The following SLC9A2 variants were observed in gnomAD, a reference collection of about 807,000 sequenced individuals.
The protein encoded by SLC9A2 is sodium/hydrogen exchanger 2.
Under a neutral mutation model 71.7 loss-of-function variants are expected in SLC9A2, and 42 were observed. The ratio of observed to expected loss-of-function variants is 0.59; its 90% CI spans 0.46 to 0.76. The LOEUF (loss-of-function observed/expected upper bound fraction) is 0.76. SLC9A2 is among the 30% of genes least tolerant of loss of function. The pLI is 0.00. For synonymous variants in SLC9A2, 396 were observed against 392.5 expected, an observed-to-expected ratio of 1.01 and a Z score of -0.10; for missense variants, 829 against 1,017.4, an observed-to-expected ratio of 0.81 and a Z score of 2.52.
chr2:102,665,547 C>A (rs989376580), intron 3 of SLC9A2, among the ~76,000 whole-genome samples, 197 bp downstream of exon 3: 1 of 151,814 alleles, frequency 6.6e-6, no homozygotes, highest in Non-Finnish European at 1.5e-5. Context: ...GGCCGAGACG[C>A]GTGGATCACA....
chr2:102,633,499 G>A (rs1032914511), intron 1 of SLC9A2, among the ~76,000 whole-genome samples: 1 of 152,244 alleles, frequency 6.6e-6, no homozygotes, highest in Non-Finnish European at 1.5e-5. Context: ...GTAAAATCAC[G>A]CAATAATAAT....
At position 102,657,676 on chromosome 2, in the gene SLC9A2, T is replaced by G. The variant is rs1215625619; in HGVS notation, c.402T>G (p.Pro134=). Residue 134 remains proline (P), a synonymous_variant, in exon 2 of 12, where the codon CCT becomes CCG. Coordinates refer to ENST00000233969, the MANE Select transcript of SLC9A2 (RefSeq NM_003048.6). The part of the protein sequence containing the change: ...IIFGVDEKSP[P]AMKTDVFFLY... ...TTGGTGTTGATGAGAAGTCTCCCCCTGCAATGAAGACTGATGTATTTTTCT... is the reference window on the plus strand; with the variant it reads ...TTGGTGTTGATGAGAAGTCTCCCCCGGCAATGAAGACTGATGTATTTTTCT... 6.2e-7 allele frequency: 1 copy of G among 1,613,748 alleles called. No homozygotes were observed. Among genetic ancestry groups the G allele is most frequent in the Admixed American group, 1.7e-5 (1 of 60,004 alleles).
intron 1 of SLC9A2, among the ~76,000 whole-genome samples, chr2:102,649,692 A>T (rs564998061): frequency 6.6e-6 from 1 of 152,346 alleles, no homozygotes; most frequent in East Asian, 1.9e-4. Context: ...AAAAGAAGAC[A>T]TTTATGTGGC....
chr2:102,683,455 T>A lies in SLC9A2; in HGVS notation c.1199T>A (p.Phe400Tyr), dbSNP rs1293858545. 6.2e-7 allele frequency: 1 copy of A among 1,614,200 alleles called. No homozygotes were observed. Among genetic ancestry groups the A allele is most frequent in the Admixed American group, 1.7e-5 (1 of 60,030 alleles). The change falls in exon 4 of 12, where the codon TTC (phenylalanine) becomes TAC (tyrosine). Residue 400 changes from phenylalanine (F) to tyrosine (Y), a missense_variant. By Grantham distance (22) the Phe-to-Tyr change is conservative (BLOSUM62 3). This residue lies in a region of SLC9A2 where 500 missense variants were observed against 726.3 expected (regional missense o/e 0.69). Coordinates refer to ENST00000233969, the MANE Select transcript of SLC9A2 (RefSeq NM_003048.6). Reference sequence around the variant, plus strand: ...GCCTTCGTCTGCTTCACCCTGGCCTTCTGCCTCATGTGGCGAGCCCTGGGT... The same window carrying A: ...GCCTTCGTCTGCTTCACCCTGGCCTACTGCCTCATGTGGCGAGCCCTGGGT... ...NWAFVCFTLA[F>Y]CLMWRALGVF...
rs192470991 is a variant in SLC9A2 at position 102,685,284 on chromosome 2, G to A, written c.1425+948G>A. 2.4e-3 allele frequency among the ~76,000 whole-genome samples: 360 copies of A among 152,342 alleles called. 2 individuals are homozygous for A. The highest frequency in any genetic ancestry group is 0.022 in the Admixed American group (331 of 15,304). On this transcript the variant is annotated intron_variant, in intron 5 of 11. Coordinates refer to ENST00000233969, the MANE Select transcript of SLC9A2 (RefSeq NM_003048.6). Reference sequence around the variant, plus strand: ...AGTGGCACAGAGTGTGGTGTGGAGTGTAGGAGAATGAGGCGAAGCAGGGTC... The same window carrying A: ...AGTGGCACAGAGTGTGGTGTGGAGTATAGGAGAATGAGGCGAAGCAGGGTC...
intron 3 of SLC9A2, among the ~76,000 whole-genome samples, chr2:102,682,611 G>T (rs1677475012): frequency 6.6e-6 from 1 of 152,156 alleles, no homozygotes; most frequent in African/African-American, 2.4e-5. Flanking sequence ...GAGTTTCTTT[G>T]CTTTAGGAAT....
chr2:102,707,392 A>G (rs1678002555), intron 11 of SLC9A2, among the ~76,000 whole-genome samples: 1 of 151,272 alleles, frequency 6.6e-6, no homozygotes, highest in African/African-American at 2.4e-5. Context: ...GGTGAGAATA[A>G]TAGGGGGAAG....
chr2:102,702,878 C>G (rs558449477), intron 9 of SLC9A2, among the ~76,000 whole-genome samples: 5 of 152,334 alleles, frequency 3.3e-5, no homozygotes, highest in Admixed American at 2.6e-4. Context: ...CTCTTCTGAG[C>G]CACTTCTTTC....
At position 102,708,231 on chromosome 2, in the gene SLC9A2, T is replaced by A. The variant is rs1470355764; in HGVS notation, c.2181T>A (p.Tyr727Ter). Residue 727 changes from tyrosine to a stop codon, truncating the protein, a stop_gained, in exon 12 of 12, where the codon TAT (tyrosine) becomes TAA (stop). Transcript: ENST00000233969. LOFTEE classifies it low-confidence loss of function (END_TRUNC). ...TCTCCAAGAAATCCCCCCAGTCCTA[T>A]AAAATGGAATGGAAGAATGAGGTAG... ...EQFSKKSPQS[Y>*]KMEWKNEVDV... 2 of 1,613,958 alleles carry A rather than the reference T, an allele frequency of 1.2e-6. No homozygotes were observed. The highest frequency in any genetic ancestry group is 1.7e-6 in the Non-Finnish European group (2 of 1,179,994).
intron 3 of SLC9A2, among the ~76,000 whole-genome samples, chr2:102,679,699 TTTC>T (rs1677414312): frequency 6.6e-6 from 1 of 152,206 alleles, no homozygotes; most frequent in Non-Finnish European, 1.5e-5. Flanking sequence ...ATTTTAATTG[TTTC>T]TAAATAGAAA....
At position 102,683,332 on chromosome 2, in the gene SLC9A2, T is replaced by C. The variant is rs763991851; in HGVS notation, c.1076T>C (p.Ile359Thr). ...ENVSQKSYTT[I>T]KYFMKMLSSV... Reference sequence around the variant, plus strand: ...GTATCTCAGAAATCCTACACGACCATCAAGTACTTCATGAAGATGCTGAGC... The same window carrying C: ...GTATCTCAGAAATCCTACACGACCACCAAGTACTTCATGAAGATGCTGAGC... The change falls in exon 4 of 12, where the codon ATC becomes ACC. Residue 359 changes from isoleucine (I) to threonine (T), a missense_variant. Coordinates refer to ENST00000233969, the MANE Select transcript of SLC9A2 (RefSeq NM_003048.6). 6.2e-7 allele frequency: 1 copy of C among 1,614,080 alleles called. No individual in the cohort carries two copies. Among genetic ancestry groups the C allele is most frequent in the Non-Finnish European group, 8.5e-7 (1 of 1,179,922 alleles).
At chr2:102,678,519 G>T (rs773535679) in intron 3 of SLC9A2, among the ~76,000 whole-genome samples, 3 of 152,098 alleles carry the variant, frequency 2.0e-5, no homozygotes, top group Non-Finnish European at 4.4e-5. Flanking sequence ...TTATTATTTT[G>T]TTGGGGACAA....
intron 1 of SLC9A2, among the ~76,000 whole-genome samples, chr2:102,624,636 A>G (rs1449549022): frequency 2.0e-5 from 3 of 152,128 alleles, no homozygotes; most frequent in African/African-American, 7.2e-5. Flanking sequence ...ATACCTTCCC[A>G]TATCTTGAGG....
At chr2:102,663,704 T>A (rs1440324618) in intron 2 of SLC9A2, among the ~76,000 whole-genome samples, 1 of 152,228 alleles carries the variant, frequency 6.6e-6, no homozygotes, top group Non-Finnish European at 1.5e-5. Flanking sequence ...AATGAGGGTG[T>A]AGCACAGCCT....
intron 1 of SLC9A2, among the ~76,000 whole-genome samples, chr2:102,622,409 C>A (rs1475754927): frequency 6.6e-5 from 10 of 152,216 alleles, no homozygotes; most frequent in African/African-American, 2.4e-4. Flanking sequence ...GTTGCCATTT[C>A]TATTCCAACT....
chr2:102,695,698 T>A (rs986528357), intron 7 of SLC9A2, among the ~76,000 whole-genome samples: 1 of 148,276 alleles, frequency 6.7e-6, no homozygotes, highest in African/African-American at 2.5e-5. Flanking sequence ...GGTGGGAGAC[T>A]TTGTCAAATG....
intron 5 of SLC9A2, among the ~76,000 whole-genome samples, chr2:102,692,136 T>C (rs1246049110): frequency 2.0e-5 from 3 of 152,248 alleles, no homozygotes; most frequent in Non-Finnish European, 4.4e-5. Flanking sequence ...TTACAGAACA[T>C]GTGTTGATTG....
At chr2:102,646,943 C>T (rs1676736702) in intron 1 of SLC9A2, among the ~76,000 whole-genome samples, 1 of 152,118 alleles carries the variant, frequency 6.6e-6, no homozygotes, top group Non-Finnish European at 1.5e-5. Flanking sequence ...AGGACTTGAA[C>T]TCAGCTCTGG....
intron 1 of SLC9A2, among the ~76,000 whole-genome samples, chr2:102,630,009 G>T (rs1351756617): frequency 6.6e-6 from 1 of 151,976 alleles, no homozygotes; most frequent in East Asian, 1.9e-4. Flanking sequence ...GAAAGTATTT[G>T]CTATTTTTAT....
Sources: gnomAD v4.1 joint callset for allele counts (sites outside exome capture counted in the v4.1 genomes callset) on GRCh38, gnomAD v4.1.1 for gene constraint, gnomAD v4.1.1 regional missense constraint, MANE v1.5 for transcripts, NCBI Gene and HGNC (gene_info 2026-07-23, HGNC 2026-07-21) for gene names.